Variants in EPS15L1 observed in about 807,000 individuals in gnomAD.
The protein encoded by EPS15L1 is epidermal growth factor receptor pathway substrate 15 like 1, also known as epidermal growth factor receptor substrate 15-like 1.
A neutral mutation model predicts 117.1 loss-of-function variants in EPS15L1; 43 were observed. That is an observed-to-expected ratio of 0.37 (90% CI 0.29 to 0.47). EPS15L1 has a LOEUF of 0.47. Among genes scored for constraint, EPS15L1 ranks in the 20% least tolerant of loss-of-function variants. EPS15L1 has a pLI of 0.99. For missense variants in EPS15L1, 981 were observed against 1,164.0 expected, an observed-to-expected ratio of 0.84 and a Z score of 2.29; for synonymous variants, 459 against 470.5, an observed-to-expected ratio of 0.98 and a Z score of 0.32.
intron 12 of EPS15L1, among the ~76,000 whole-genome samples, chr19:16,415,537 C>G (rs1430296007): frequency 6.6e-6 from 1 of 152,154 alleles, no homozygotes; most frequent in East Asian, 1.9e-4. Context: ...CAGAAACTTA[C>G]AATACAAAGT....
At chr19:16,418,171 G>T in intron 10 of EPS15L1, 67 bp from the exon 11 acceptor site, 1 of 1,519,062 alleles carries the variant, frequency 6.6e-7, no homozygotes, top group South Asian at 1.3e-5. Context: ...CCAAGTCACC[G>T]ATCCCTTGCT....
rs1599557860 is a variant in EPS15L1, at chr19:16,385,318, G to C, written c.2165-107C>G. 4 of 922,034 alleles carry C rather than the reference G, an allele frequency of 4.3e-6. No individual in the cohort carries two copies. In the East Asian group the frequency reaches 7.2e-5, roughly 17 times the overall value. 57.1% of individuals were successfully genotyped at this position (922,034 alleles called of 1,614,324 possible). A position where few individuals can be genotyped will look rare whatever the true frequency, so the allele number is the denominator to read the frequency against. On this transcript the variant is annotated intron_variant, in intron 20 of 23. Coordinates refer to ENST00000455140, the MANE Select transcript of EPS15L1 (RefSeq NM_001258374.3). ...CCCCTGAACCAGGAGACTCAGGAAG[G>C]CTGCATTTATTCATTAGACACGTGT...
intron 22 of EPS15L1, among the ~76,000 whole-genome samples, chr19:16,375,773 C>G (rs116860620): frequency 1.3e-5 from 2 of 152,226 alleles, no homozygotes; most frequent in Admixed American, 6.5e-5. Flanking sequence ...ACTTTTTCTC[C>G]TGACTCATCC....
intron 16 of EPS15L1, among the ~76,000 whole-genome samples, chr19:16,397,379 C>T (rs1237240593): frequency 2.0e-5 from 3 of 152,234 alleles, no homozygotes; most frequent in South Asian, 2.1e-4. Context: ...CGTGAGCCAC[C>T]GCGCCCGGCT....
intron 1 of EPS15L1, among the ~76,000 whole-genome samples, chr19:16,462,015 A>G (rs2093257465): frequency 1.3e-5 from 2 of 152,232 alleles, no homozygotes; most frequent in Admixed American, 6.5e-5. Context: ...AGCAGGGAGC[A>G]GGAAAGACAG....
In EPS15L1 at chr19:16,442,241, T is replaced by C. The variant is rs748905023; in HGVS notation, c.34-22A>G. ...GAATCTGTAAATGAAACCACAGATA[T>C]TGGTCAAAAGTGAACACAACCCCTT... On this transcript the variant is annotated intron_variant, in intron 1 of 23. Transcript: ENST00000455140. 26 of 1,611,244 alleles carry C rather than the reference T, an allele frequency of 1.6e-5. 1 individual carries two copies. In the African/African-American group the frequency reaches 3.1e-4, roughly 19 times the overall value.
intron 19 of EPS15L1, among the ~76,000 whole-genome samples, chr19:16,386,672 G>A (rs76008369): frequency 0.013 from 1,912 of 152,310 alleles, 84 homozygotes; most frequent in Admixed American, 0.081. Flanking sequence ...AAGGGGAATC[G>A]GGATGGAGGG....
Position 16,371,015 on chromosome 19 carries a change from C to T in EPS15L1, c.2380+6107G>A, listed in dbSNP as rs989402056. Among the ~76,000 whole-genome samples the T allele has an allele frequency of 1.3e-5, 2 of 152,218 alleles. No homozygotes were observed. The highest frequency in any genetic ancestry group is 6.5e-5 in the Admixed American group (1 of 15,286). On this transcript the variant is annotated intron_variant, in intron 22 of 23. Coordinates refer to ENST00000455140, the MANE Select transcript of EPS15L1 (RefSeq NM_001258374.3). This position sits in a 1 kb window ranked among gnomAD's most constrained non-coding sequence, Gnocchi z 4.7. ...GTCCCATTGTAGAATTTCACATGTACCCACCGGATTATCTCTCTGAGATCA... is the reference window on the plus strand; with the variant it reads ...GTCCCATTGTAGAATTTCACATGTATCCACCGGATTATCTCTCTGAGATCA...
At chr19:16,392,246 AC>A (rs2092484126) in intron 19 of EPS15L1, 57 bp downstream of exon 19, 1 of 1,602,108 alleles carries the variant, frequency 6.2e-7, no homozygotes, top group East Asian at 2.2e-5. Flanking sequence ...GGGAAGCGCC[AC>A]CCTTACCACA....
chr19:16,434,434 A>G lies in EPS15L1; in HGVS notation c.429T>C (p.Gly143=). Residue 143 remains glycine (G), a synonymous_variant, in exon 7 of 24, where the codon GGT becomes GGC. Transcript: ENST00000455140. ...GIFESLLPIN[G]LLSGDKVKPV... ...GCTTGACTTTGTCTCCAGAGAGCAA[A>G]CCATTGATGGGCAAGAGGCTTTCAA... 1 of 1,614,142 alleles carries G rather than the reference A, an allele frequency of 6.2e-7. No homozygotes were observed. Among genetic ancestry groups the G allele is most frequent in the Non-Finnish European group, 8.5e-7 (1 of 1,180,012 alleles).
chr19:16,419,887 A>G (rs538974534), intron 10 of EPS15L1, among the ~76,000 whole-genome samples: 200 of 152,312 alleles, frequency 1.3e-3, no homozygotes, highest in African/African-American at 4.6e-3. Flanking sequence ...TGCTCCTGCC[A>G]TCTCTCAAGG....
At chr19:16,388,662 C>T (rs1437268523) in intron 19 of EPS15L1, among the ~76,000 whole-genome samples, 1 of 152,040 alleles carries the variant, frequency 6.6e-6, no homozygotes, top group African/African-American at 2.4e-5. Flanking sequence ...CCCGTCTCTA[C>T]TAAAAATACA....
intron 1 of EPS15L1, among the ~76,000 whole-genome samples, chr19:16,450,320 T>C (rs1227014515): frequency 1.3e-5 from 2 of 151,304 alleles, no homozygotes; most frequent in Non-Finnish European, 2.9e-5. Flanking sequence ...ACCTTGCTGC[T>C]TTGCTGAATG....
At chr19:16,466,631 G>A (rs1450076033) in intron 1 of EPS15L1, among the ~76,000 whole-genome samples, 3 of 152,100 alleles carry the variant, frequency 2.0e-5, no homozygotes, top group Non-Finnish European at 2.9e-5. Flanking sequence ...GGCCAGGCGC[G>A]GTGCCTCCTG....
intron 17 of EPS15L1, among the ~76,000 whole-genome samples, chr19:16,394,998 T>C (rs369047331): frequency 1.0e-3 from 159 of 152,092 alleles, no homozygotes; most frequent in African/African-American, 3.7e-3. Flanking sequence ...GGCGGGTGGA[T>C]TACCTGAGGT....
intron 19 of EPS15L1, among the ~76,000 whole-genome samples, chr19:16,387,382 G>A (rs899681518): frequency 1.3e-5 from 2 of 152,120 alleles, no homozygotes; most frequent in African/African-American, 2.4e-5. Context: ...CAAGGCAAGT[G>A]GATCACCTGA....
intron 7 of EPS15L1, among the ~76,000 whole-genome samples, chr19:16,430,564 T>C (rs1356918801): frequency 2.0e-5 from 3 of 152,374 alleles, no homozygotes; most frequent in East Asian, 3.9e-4. Flanking sequence ...GGCCTGCCCA[T>C]ACTAAGCCCT....
intron 21 of EPS15L1, among the ~76,000 whole-genome samples, chr19:16,378,721 G>A (rs1211176221): frequency 6.6e-6 from 1 of 152,178 alleles, no homozygotes; most frequent in Non-Finnish European, 1.5e-5. Flanking sequence ...GGGGAGCCAG[G>A]GTCTCCATCA....
chr19:16,395,701 T>C (rs1203255221), intron 16 of EPS15L1, among the ~76,000 whole-genome samples: 1 of 152,156 alleles, frequency 6.6e-6, no homozygotes, highest in African/African-American at 2.4e-5. Context: ...CCCAGCACTT[T>C]GGGAGGCCAA....
Sources: allele counts gnomAD v4.1 joint callset (sites outside exome capture counted in the v4.1 genomes callset), GRCh38; gene constraint gnomAD v4.1.1; non-coding constraint Gnocchi (gnomAD v3.1); transcripts MANE v1.5; gene names NCBI Gene and HGNC (gene_info 2026-07-23, HGNC 2026-07-21).